PPP1CB: variants seen among roughly 807,000 people sequenced by gnomAD.
PPP1CB encodes protein phosphatase 1 catalytic subunit beta.
A neutral mutation model predicts 43.7 loss-of-function variants in PPP1CB; 2 were observed. The observed-to-expected ratio is 0.05, with a 90% CI of 0.02 to 0.14. The LOEUF is 0.14. Among genes scored for constraint, PPP1CB ranks in the 10% least tolerant of loss-of-function variants. PPP1CB has a pLI of 1.00. For missense variants in PPP1CB, 84 were observed against 398.0 expected (o/e 0.21, Z 6.71); for synonymous variants, 136 against 135.6 (o/e 1.00, Z -0.02).
chr2:28,775,575 C>T (rs889431611), intron 1 of PPP1CB, among the ~76,000 whole-genome samples: 3 of 152,110 alleles, frequency 2.0e-5, no homozygotes, highest in East Asian at 3.8e-4. Flanking sequence ...CAGGGCCTTG[C>T]TTTGCTGCCC....
chr2:28,756,687 T>C (rs2148454321), intron 1 of PPP1CB, among the ~76,000 whole-genome samples: 1 of 152,246 alleles, frequency 6.6e-6, no homozygotes, highest in East Asian at 1.9e-4. Context: ...TCTCCCTATG[T>C]TGGTTGCCCA....
At chr2:28,757,807 T>G (rs1666527860) in intron 1 of PPP1CB, among the ~76,000 whole-genome samples, 1 of 152,132 alleles carries the variant, frequency 6.6e-6, no homozygotes, top group Non-Finnish European at 1.5e-5. Flanking sequence ...GAGGTGTTTT[T>G]ATTTTGCTAT....
rs55736905 is a variant in PPP1CB, at chr2:28,800,226, C to CTTTTTTTTTTTTTTTTTTTTTT, written c.*925_*946dup. ...TTGGTTTTCTTTTTCTTTTTTCTTT[C>CTTTTTTTTTTTTTTTTTTTTTT]TTTTTTTTTTTTTTTTTTTTTTTGA... On this transcript the variant is annotated 3_prime_UTR_variant, in exon 8 of 8. Coordinates refer to ENST00000395366, the MANE Select transcript of PPP1CB (RefSeq NM_002709.3). 2.0e-4 allele frequency: 13 copies of CTTTTTTTTTTTTTTTTTTTTTT among 65,626 alleles called. No individual in the cohort carries two copies. The highest frequency in any genetic ancestry group is 6.2e-4 in the South Asian group (1 of 1,612). 4.1% of individuals were successfully genotyped at this position (65,626 alleles called of 1,614,324 possible).
chr2:28,789,135 A>G (rs1667334262), intron 6 of PPP1CB, among the ~76,000 whole-genome samples: 1 of 152,234 alleles, frequency 6.6e-6, no homozygotes, highest in South Asian at 2.1e-4. Context: ...GAGAGGTGGC[A>G]GAGCCAGTTC....
Position 28,771,046 on chromosome 2 carries a change from C to CG in PPP1CB, c.53-5805_53-5804insG, listed in dbSNP as rs1426990472. Among the ~76,000 whole-genome samples the CG allele has an allele frequency of 1.7e-4, 16 of 96,028 alleles. 1 individual carries two copies. The East Asian group carries it at 2.6e-3, about 16-fold the overall frequency. The allele number at this position is 96,028 out of a possible 152,430, so 63.0% of individuals were successfully genotyped here. On this transcript the variant is annotated intron_variant, in intron 1 of 7. Transcript: ENST00000395366. The stretch of plus-strand genomic sequence containing the variant: ...TTACCTACTTATTCCCTGCTCCCCC[C>CG]CCCCCACCCTTTTTTTTTTTTTTTG...
chr2:28,790,785 G>A (rs1323107515), intron 6 of PPP1CB, among the ~76,000 whole-genome samples: 1 of 152,192 alleles, frequency 6.6e-6, no homozygotes, highest in African/African-American at 2.4e-5. Flanking sequence ...AAAGAGAAAA[G>A]GAGAGGGAGA....
intron 1 of PPP1CB, among the ~76,000 whole-genome samples, chr2:28,754,200 A>G (rs185624934): frequency 1.8e-3 from 273 of 152,234 alleles, no homozygotes; most frequent in African/African-American, 5.2e-3. Context: ...GCACCTTTAT[A>G]TGATTACAGG....
intron 1 of PPP1CB, among the ~76,000 whole-genome samples, chr2:28,770,239 G>T (rs536847947): frequency 6.6e-6 from 1 of 152,088 alleles, no homozygotes; most frequent in African/African-American, 2.4e-5. Flanking sequence ...CTCCAGCCTG[G>T]GTGACAGAGT....
intron 7 of PPP1CB, among the ~76,000 whole-genome samples, 199 bp downstream of exon 7, chr2:28,794,196 C>T (rs910391036): frequency 2.0e-5 from 3 of 152,104 alleles, no homozygotes; most frequent in Non-Finnish European, 4.4e-5. Context: ...CAAATATGAC[C>T]GTTTTAGGGA....
intron 2 of PPP1CB, among the ~76,000 whole-genome samples, chr2:28,777,792 A>G (rs144014386): frequency 0.013 from 1,967 of 152,292 alleles, 44 homozygotes; most frequent in African/African-American, 0.042. Flanking sequence ...AGCTGGGATT[A>G]CAGGTGTGAG....
rs1363899890 is a variant in PPP1CB, at chr2:28,778,921, T to G, written c.297T>G (p.Ser99=). ...LGDYVDRGKQ[S]LETICLLLAY... is the part of the protein sequence containing the mutation. ...ATTATGTGGACAGAGGAAAGCAGTC[T>G]TTGGAAACCATTTGTTTGCTATTGG... The change falls in exon 3 of 8, where the codon TCT becomes TCG. Residue 99 remains serine, a synonymous_variant. Coordinates refer to ENST00000395366, the MANE Select transcript of PPP1CB (RefSeq NM_002709.3). 6 of 1,611,472 alleles carry G rather than the reference T, an allele frequency of 3.7e-6. No individual in the cohort carries two copies. The highest frequency in any genetic ancestry group is 5.1e-6 in the Non-Finnish European group (6 of 1,177,540).
At chr2:28,752,711 A>G (rs995989935) in intron 1 of PPP1CB, among the ~76,000 whole-genome samples, 1 of 152,224 alleles carries the variant, frequency 6.6e-6, no homozygotes, top group Non-Finnish European at 1.5e-5. Flanking sequence ...ACAATGCTAT[A>G]TAGAATGGAT....
In PPP1CB at chr2:28,800,536, A is replaced by G. The variant is rs958698852; in HGVS notation, c.*1233A>G. On this transcript the variant is annotated 3_prime_UTR_variant, in exon 8 of 8. Transcript: ENST00000395366. ...GTATAGACAAGCTTTGTAGTGAAGT[A>G]TAGTAGCAATAATTTCTGTACCTGA... is the stretch of plus-strand genomic sequence containing the variant. 1.3e-5 allele frequency: 2 copies of G among 152,530 alleles called. No individual in the cohort carries two copies. Among genetic ancestry groups the G allele is most frequent in the Non-Finnish European group, 2.9e-5 (2 of 67,950 alleles). The allele number at this position is 152,530 out of a possible 1,614,324, so 9.4% of individuals were successfully genotyped here.
chr2:28,792,508 C>T lies in PPP1CB; in HGVS notation c.745-1355C>T, dbSNP rs116357439. Among the ~76,000 whole-genome samples the T allele has an allele frequency of 9.6e-3, 1,467 of 152,132 alleles. 10 individuals are homozygous for T. The highest frequency in any genetic ancestry group is 0.022 in the African/African-American group (918 of 41,484). The stretch of plus-strand genomic sequence containing the variant: ...CTACACTCCAGCCTAGGCAGCAGAG[C>T]GAGACCCTGTCTCCACACAAGCACA... On this transcript the variant is annotated intron_variant, in intron 6 of 7. Coordinates refer to ENST00000395366, the MANE Select transcript of PPP1CB (RefSeq NM_002709.3).
intron 1 of PPP1CB, among the ~76,000 whole-genome samples, chr2:28,768,076 T>C (rs1281110693): frequency 6.6e-6 from 1 of 152,192 alleles, no homozygotes; most frequent in East Asian, 1.9e-4. Flanking sequence ...TCACCTGAAT[T>C]TCTAGTGTAT....
At chr2:28,768,390 C>T (rs1233788843) in intron 1 of PPP1CB, among the ~76,000 whole-genome samples, 1 of 152,172 alleles carries the variant, frequency 6.6e-6, no homozygotes, top group African/African-American at 2.4e-5. Flanking sequence ...TCAAAATCTG[C>T]AGTCAGGTCC....
chr2:28,791,354 A>G (rs543346092), intron 6 of PPP1CB, among the ~76,000 whole-genome samples: 85 of 151,956 alleles, frequency 5.6e-4, no homozygotes, highest in Non-Finnish European at 1.0e-3. Context: ...TTTGTGAGAC[A>G]GAGTCTCACA....
At position 28,802,209 on chromosome 2, in the gene PPP1CB, A is replaced by G. The variant is rs1351900967; in HGVS notation, c.*2906A>G. 3 of 152,234 alleles carry G rather than the reference A, an allele frequency of 2.0e-5. No homozygotes were observed. Among genetic ancestry groups the G allele is most frequent in the Non-Finnish European group, 4.4e-5 (3 of 68,038 alleles). 9.4% of individuals were successfully genotyped at this position (152,234 alleles called of 1,614,324 possible). A position where few individuals can be genotyped will look rare whatever the true frequency, so the allele number is the denominator to read the frequency against. On this transcript the variant is annotated 3_prime_UTR_variant, in exon 8 of 8. Transcript: ENST00000395366. ...CTTGAGATATGTCTCAAGAATATAA[A>G]GATGTATTATTTTAAGCCAAGGAGC...
chr2:28,799,640 C>A lies in PPP1CB; in HGVS notation c.*337C>A. 5.1e-6 allele frequency: 1 copy of A among 197,864 alleles called. No homozygotes were observed. The highest frequency in any genetic ancestry group is 1.0e-5 in the Non-Finnish European group (1 of 98,152). The allele number at this position is 197,864 out of a possible 1,614,324, so 12.3% of individuals were successfully genotyped here. Reference sequence around the variant, plus strand: ...ACCAGATGAAAGCATGATGATCCATCTGTGTAATGTGGTTTTAGTGTTGCT... The same window carrying A: ...ACCAGATGAAAGCATGATGATCCATATGTGTAATGTGGTTTTAGTGTTGCT... On this transcript the variant is annotated 3_prime_UTR_variant, in exon 8 of 8. Coordinates refer to ENST00000395366, the MANE Select transcript of PPP1CB (RefSeq NM_002709.3).
Sources: gnomAD v4.1 joint callset for allele counts (sites outside exome capture counted in the v4.1 genomes callset) on GRCh38, gnomAD v4.1.1 for gene constraint, MANE v1.5 for transcripts, NCBI Gene and HGNC (gene_info 2026-07-23, HGNC 2026-07-21) for gene names.